ASGR2: variants seen among roughly 807,000 people sequenced by gnomAD.
ASGR2 encodes the protein C-type lectin domain family 4 member H2.
Under a neutral mutation model 32.3 loss-of-function variants are expected in ASGR2, and 34 were observed. The ratio of observed to expected loss-of-function variants is 1.05; its 90% CI spans 0.80 to 1.40. The LOEUF (loss-of-function observed/expected upper bound fraction) is 1.40, where lower values mean the gene tolerates loss of function less well. ASGR2 is among the 40% of genes most tolerant of loss of function. ASGR2 has a pLI of 0.00. For missense variants in ASGR2, 385 were observed against 386.4 expected, an observed-to-expected ratio of 1.00 and a Z score of 0.03; for synonymous variants, 143 against 150.0, an observed-to-expected ratio of 0.95 and a Z score of 0.34.
chr17:7,110,164 T>C (rs536262021), intron 2 of ASGR2, among the ~76,000 whole-genome samples: 1 of 151,974 alleles, frequency 6.6e-6, no homozygotes, highest in South Asian at 2.1e-4. Flanking sequence ...TGTCCATAAC[T>C]CTTCATCTTT....
intron 2 of ASGR2, 124 bp from the exon 3 acceptor site, chr17:7,109,012 G>A (rs1914277125): frequency 1.6e-6 from 1 of 633,056 alleles, no homozygotes. Flanking sequence ...ATGGGGGGGG[G>A]TCATCATAGG....
At chr17:7,111,408 G>A (rs1257433640) in intron 2 of ASGR2, among the ~76,000 whole-genome samples, 1 of 152,230 alleles carries the variant, frequency 6.6e-6, no homozygotes, top group African/African-American at 2.4e-5. Context: ...TGGAATCCCA[G>A]CACTGTGGGA....
At chr17:7,111,477 A>G (rs896472456) in intron 2 of ASGR2, among the ~76,000 whole-genome samples, 1 of 151,986 alleles carries the variant, frequency 6.6e-6, no homozygotes. Context: ...TAACATGGTG[A>G]AACCCCATCT....
Position 7,108,860 on chromosome 17 carries a change from C to T in ASGR2, c.153G>A (p.Gln51=). The change falls in exon 3 of 9, where the codon CAG becomes CAA. Residue 51 remains glutamine, a synonymous_variant. Coordinates refer to ENST00000691900, the MANE Select transcript of ASGR2 (RefSeq NM_001201352.2). The surrounding 1 kb of genome is among the most constrained non-coding windows in gnomAD (Gnocchi z 4.9). ...KGPPPAQPLA[Q]RLCSMVCFSL... is the part of the protein sequence containing the mutation. ...TGAAGCAGACCATGGAGCAGAGACG[C>T]TGTGCCAGGGGCTGGGCAGGAGGTG... 6.2e-7 allele frequency: 1 copy of T among 1,603,630 alleles called. No individual in the cohort carries two copies. The highest frequency in any genetic ancestry group is 8.5e-7 in the Non-Finnish European group (1 of 1,175,538).
rs532297681 is a variant in ASGR2, at chr17:7,114,252, GGCTGGA to G, written c.-18_-13del. ...AAGTCCTTGGCCATGATGGGGCCCGGGCTGGAGCTGGAGCTGGAGCTGGGCTGGGCT... is the reference window on the plus strand; with the variant it reads ...AAGTCCTTGGCCATGATGGGGCCCGGGCTGGAGCTGGAGCTGGGCTGGGCT... On this transcript the variant is annotated 5_prime_UTR_variant, in exon 2 of 9. Coordinates refer to ENST00000691900, the MANE Select transcript of ASGR2 (RefSeq NM_001201352.2). This position sits in a 1 kb window ranked among gnomAD's most constrained non-coding sequence, Gnocchi z 4.5. 20 of 1,613,516 alleles carry G rather than the reference GGCTGGA, an allele frequency of 1.2e-5. No individual in the cohort carries two copies. The highest frequency in any genetic ancestry group is 1.7e-4 in the Middle Eastern group (1 of 5,808).
Position 7,108,009 on chromosome 17 carries a change from C to T in ASGR2, c.338-102G>A. 3 of 1,362,198 alleles carry T rather than the reference C, an allele frequency of 2.2e-6. No homozygotes were observed. The highest frequency in any genetic ancestry group is 3.0e-6 in the Non-Finnish European group (3 of 991,064). 84.4% of individuals were successfully genotyped at this position (1,362,198 alleles called of 1,614,324 possible). ...CCTCGTCCTGGGCGATGCAGGCGTC[C>T]ACCTCCTGGCTTCCTGGACCACACC... On this transcript the variant is annotated intron_variant, in intron 4 of 8. Coordinates refer to ENST00000691900, the MANE Select transcript of ASGR2 (RefSeq NM_001201352.2). The surrounding 1 kb of genome is among the most constrained non-coding windows in gnomAD (Gnocchi z 4.9).
At position 7,114,497 on chromosome 17, in the gene ASGR2, T is replaced by C; in HGVS notation, c.-71+118A>G. 1.5e-6 allele frequency: 2 copies of C among 1,304,620 alleles called. No homozygotes were observed. The highest frequency in any genetic ancestry group is 2.0e-6 in the Non-Finnish European group (2 of 1,021,164). The allele number at this position is 1,304,620 out of a possible 1,614,324, so 80.8% of individuals were successfully genotyped here. On this transcript the variant is annotated intron_variant, in intron 1 of 8. Coordinates refer to ENST00000691900, the MANE Select transcript of ASGR2 (RefSeq NM_001201352.2). This position sits in a 1 kb window ranked among gnomAD's most constrained non-coding sequence, Gnocchi z 4.5. The stretch of plus-strand genomic sequence containing the variant: ...GGCCTTGACCTGGCCAGGAGACCCC[T>C]CCCCACGCTCATGGACCCGACCACC...
At chr17:7,105,049 A>T (rs1913466446) in intron 7 of ASGR2, among the ~76,000 whole-genome samples, 1 of 151,678 alleles carries the variant, frequency 6.6e-6, no homozygotes, top group Non-Finnish European at 1.5e-5. Context: ...ACTCAGACAC[A>T]TGGGAATAAG....
chr17:7,110,945 A>G (rs1464772444), intron 2 of ASGR2, among the ~76,000 whole-genome samples: 2 of 152,220 alleles, frequency 1.3e-5, no homozygotes, highest in Non-Finnish European at 2.9e-5. Context: ...GCAGAGCCCA[A>G]GAGACTCCCC....
At chr17:7,101,324 G>T (rs772119931), downstream of ASGR2, 14 of 458,248 alleles carry the variant, frequency 3.1e-5, no homozygotes, top group Admixed American at 4.2e-4. Context: ...GCCACACAGA[G>T]ATTCAAGCAT....
Position 7,111,427 on chromosome 17 carries a change from C to T in ASGR2, c.125-2539G>A, listed in dbSNP as rs545113691. On this transcript the variant is annotated intron_variant, in intron 2 of 8. Coordinates refer to ENST00000691900, the MANE Select transcript of ASGR2 (RefSeq NM_001201352.2). ...ATCCCAGCACTGTGGGAGGCCAAGGCGGGCAGATCATGAGGTCAGGAGATC... is the reference window on the plus strand; with the variant it reads ...ATCCCAGCACTGTGGGAGGCCAAGGTGGGCAGATCATGAGGTCAGGAGATC... Among the ~76,000 whole-genome samples, 34 of 152,182 alleles carry T rather than the reference C, an allele frequency of 2.2e-4. No homozygotes were observed. In the South Asian group the frequency reaches 4.4e-3, roughly 19 times the overall value.
rs1201893515 is a variant in ASGR2, at chr17:7,107,031, T to C, written c.617A>G (p.His206Arg). 1.9e-6 allele frequency: 3 copies of C among 1,613,802 alleles called. No homozygotes were observed. The highest frequency in any genetic ancestry group is 2.5e-6 in the Non-Finnish European group (3 of 1,180,006). The change falls in exon 7 of 9, where the codon CAC (histidine) becomes CGC (arginine). Residue 206 changes from histidine (H) to arginine (R), a missense_variant. By Grantham distance (29) the His-to-Arg change is conservative. Coordinates refer to ENST00000691900, the MANE Select transcript of ASGR2 (RefSeq NM_001201352.2). This position sits in a 1 kb window ranked among gnomAD's most constrained non-coding sequence, Gnocchi z 5.0. ...AEKYCQLENA[H>R]LVVINSWEEQ... The stretch of plus-strand genomic sequence containing the variant: ...CTCCCAGGAGTTGATGACCACCAGG[T>C]GTGCGTTCTCCAGCTGGCAGTACTT...
Position 7,105,849 on chromosome 17 carries a change from C to T in ASGR2, c.648+1151G>A, listed in dbSNP as rs373807467. On this transcript the variant is annotated intron_variant, in intron 7 of 8. Transcript: ENST00000691900. Reference sequence around the variant, plus strand: ...TGTCACCCGGGCTGGAGTATAATGGCGCAGTCTCAGCTCACCACAACCTCT... The same window carrying T: ...TGTCACCCGGGCTGGAGTATAATGGTGCAGTCTCAGCTCACCACAACCTCT... Among the ~76,000 whole-genome samples the T allele has an allele frequency of 4.2e-3, 624 of 148,952 alleles. 6 individuals carry two copies. Among genetic ancestry groups the T allele is most frequent in the African/African-American group, 0.014 (581 of 40,404 alleles).
intron 7 of ASGR2, among the ~76,000 whole-genome samples, chr17:7,106,069 G>A (rs912297653): frequency 1.9e-4 from 29 of 152,272 alleles, no homozygotes; most frequent in African/African-American, 7.0e-4. Context: ...TTACAGGCGT[G>A]AGCCACTGCA....
At position 7,101,749 on chromosome 17, in the gene ASGR2, G is replaced by T; in HGVS notation, c.756-9C>A. The T allele has an allele frequency of 2.5e-6, 4 of 1,611,646 alleles. No homozygotes were observed. The highest frequency in any genetic ancestry group is 3.4e-6 in the Non-Finnish European group (4 of 1,178,540). On this transcript the variant is annotated splice_polypyrimidine_tract_variant and intron_variant, in intron 8 of 8. Transcript: ENST00000691900. ...GAGTGACAGCCCAGTTCCTAAGGAG[G>T]CAAGAGAAAACTCGGACTCTGCCAC...
At position 7,107,632 on chromosome 17, in the gene ASGR2, C is replaced by T. The variant is rs186520592; in HGVS notation, c.409+204G>A. 22,091 of 714,716 alleles carry T rather than the reference C, an allele frequency of 0.031. 457 individuals are homozygous for T. Among genetic ancestry groups the T allele is most frequent in the East Asian group, 0.07 (2,587 of 36,704 alleles). 44.3% of individuals were successfully genotyped at this position (714,716 alleles called of 1,614,324 possible). A position where few individuals can be genotyped will look rare whatever the true frequency, so the allele number is the denominator to read the frequency against. ...CACATGCATACACACACAACACACA[C>T]ATATACACCACACTACACACCACAC... On this transcript the variant is annotated intron_variant, in intron 5 of 8. Transcript: ENST00000691900. This position sits in a 1 kb window ranked among gnomAD's most constrained non-coding sequence, Gnocchi z 5.0.
At position 7,113,091 on chromosome 17, in the gene ASGR2, C is replaced by T. The variant is rs909741875; in HGVS notation, c.124+1026G>A. ...GGAGGATGGCTTGAGCCCAGGAGTT[C>T]GAGGTTGCAGTGAGCTATGATCCTG... On this transcript the variant is annotated intron_variant, in intron 2 of 8. Transcript: ENST00000691900. This position sits in a 1 kb window ranked among gnomAD's most constrained non-coding sequence, Gnocchi z 5.1. 6.6e-6 allele frequency among the ~76,000 whole-genome samples: 1 copy of T among 151,346 alleles called. No homozygotes were observed. Among genetic ancestry groups the T allele is most frequent in the African/African-American group, 2.4e-5 (1 of 40,840 alleles).
intron 7 of ASGR2, among the ~76,000 whole-genome samples, chr17:7,105,595 G>A (rs571204401): frequency 2.6e-5 from 4 of 152,048 alleles, no homozygotes; most frequent in South Asian, 2.1e-4. Context: ...GGGAGAATCC[G>A]TTGAGCCCGG....
At chr17:7,112,079 GGGGAGGGGGAGGGGAA>G in intron 2 of ASGR2, among the ~76,000 whole-genome samples, 1 of 97,260 alleles carries the variant, frequency 1.0e-5, no homozygotes, top group Admixed American at 9.5e-5. Context: ...AAGGAGGGGA[GGGGAGGGGGAGGGGAA>G]GGGGAAAATT....
Sources: allele counts gnomAD v4.1 joint callset (sites outside exome capture counted in the v4.1 genomes callset), GRCh38; gene constraint gnomAD v4.1.1; non-coding constraint Gnocchi (gnomAD v3.1); transcripts MANE v1.5; gene names NCBI Gene and HGNC (gene_info 2026-07-23, HGNC 2026-07-21).